DENND1B: variants seen among roughly 807,000 people sequenced by gnomAD.
DENND1B encodes the protein DENN domain-containing protein 1B.
In DENND1B, 59 loss-of-function variants were observed where a neutral mutation model predicts 90.1. The ratio of observed to expected loss-of-function variants is 0.65; its 90% CI spans 0.53 to 0.81. The LOEUF is 0.81. Among genes scored for constraint, DENND1B ranks in the 40% least tolerant of loss-of-function variants. The pLI is 0.00. For missense variants in DENND1B, 862 were observed against 912.6 expected, an observed-to-expected ratio of 0.94 and a Z score of 0.71; for synonymous variants, 337 against 324.6, an observed-to-expected ratio of 1.04 and a Z score of -0.41.
At chr1:197,728,925 G>A (rs1035323150) in intron 2 of DENND1B, among the ~76,000 whole-genome samples, 1 of 152,006 alleles carries the variant, frequency 6.6e-6, no homozygotes, top group African/African-American at 2.4e-5. Context: ...CTATCTAAAT[G>A]TATTTCCCAC....
In DENND1B at chr1:197,758,380, T is replaced by C. The variant is rs563867463; in HGVS notation, c.82+14488A>G. ...TCAAAATAGGAGGAAAGTTTTTTAC[T>C]AACAATTTCTGTTGAAGTGATCATA... On this transcript the variant is annotated intron_variant, in intron 2 of 22. Transcript: ENST00000620048. 3.9e-5 allele frequency among the ~76,000 whole-genome samples: 6 copies of C among 152,340 alleles called. No individual in the cohort carries two copies. In the South Asian group the frequency reaches 1.2e-3, roughly 32 times the overall value.
At chr1:197,555,474 T>C (rs1192341694) in intron 15 of DENND1B, among the ~76,000 whole-genome samples, 4 of 151,968 alleles carry the variant, frequency 2.6e-5, no homozygotes, top group Non-Finnish European at 5.9e-5. Flanking sequence ...AACAAAGGAC[T>C]AATATCCAGA....
rs1014159135 is a variant in DENND1B, at chr1:197,652,462, G to A, written c.367-147C>T. 10 of 589,256 alleles carry A rather than the reference G, an allele frequency of 1.7e-5. No individual in the cohort carries two copies. The Admixed American group carries it at 2.0e-4, about 12-fold the overall frequency. 36.5% of individuals were successfully genotyped at this position (589,256 alleles called of 1,614,324 possible). A position where few individuals can be genotyped will look rare whatever the true frequency, so the allele number is the denominator to read the frequency against. The stretch of plus-strand genomic sequence containing the variant: ...TTCCACAGAAACATTTCAAATACCT[G>A]AAATTCAAATATTTGAGTCTAAAAA... On this transcript the variant is annotated intron_variant, in intron 6 of 22. Coordinates refer to ENST00000620048, the MANE Select transcript of DENND1B (RefSeq NM_001195215.2).
intron 10 of DENND1B, among the ~76,000 whole-genome samples, chr1:197,635,067 T>C (rs949138160): frequency 1.3e-5 from 2 of 152,110 alleles, no homozygotes. Flanking sequence ...AATCAGCACC[T>C]AACTTGGAAA....
chr1:197,514,875 T>C (rs1668289820), intron 20 of DENND1B, among the ~76,000 whole-genome samples: 1 of 151,660 alleles, frequency 6.6e-6, no homozygotes. Context: ...GCATCAAACC[T>C]GGAATCAGCC....
chr1:197,545,851 T>C, intron 18 of DENND1B, 71 bp downstream of exon 18: 1 of 1,278,144 alleles, frequency 7.8e-7, no homozygotes, highest in Non-Finnish European at 1.1e-6. Context: ...ATTCAGAATT[T>C]ATATGTCTAT....
chr1:197,562,440 T>G (rs1232297897), intron 15 of DENND1B, among the ~76,000 whole-genome samples: 1 of 151,930 alleles, frequency 6.6e-6, no homozygotes, highest in East Asian at 1.9e-4. Flanking sequence ...TATTTCAAAC[T>G]TTTTCATTAT....
At chr1:197,553,262 T>TAC (rs1276253630) in intron 15 of DENND1B, 150 bp from the exon 16 acceptor site, 6 of 541,436 alleles carry the variant, frequency 1.1e-5, no homozygotes, top group Non-Finnish European at 1.5e-5. Flanking sequence ...GGTGTATATA[T>TAC]ACACACACAC....
chr1:197,696,377 A>G (rs1008413842), intron 3 of DENND1B, among the ~76,000 whole-genome samples: 4 of 151,574 alleles, frequency 2.6e-5, no homozygotes, highest in Non-Finnish European at 4.4e-5. Context: ...GCACTTTTCT[A>G]AAAGCATTTC....
intron 1 of DENND1B, 131 bp from the exon 2 acceptor site, chr1:197,773,063 A>C: frequency 2.6e-6 from 2 of 757,408 alleles, no homozygotes; most frequent in Non-Finnish European, 4.5e-6. Flanking sequence ...ACTACAGTAT[A>C]GTAGAAATAA....
intron 3 of DENND1B, among the ~76,000 whole-genome samples, chr1:197,680,028 T>C (rs1656516622): frequency 6.6e-6 from 1 of 152,072 alleles, no homozygotes; most frequent in Non-Finnish European, 1.5e-5. Flanking sequence ...CATGCACCTA[T>C]AGTCCCAGCT....
chr1:197,720,900 T>A (rs1661109591), intron 2 of DENND1B, among the ~76,000 whole-genome samples: 1 of 152,152 alleles, frequency 6.6e-6, no homozygotes, highest in South Asian at 2.1e-4. Context: ...TATAAGCAGA[T>A]GTTTGTACAA....
chr1:197,731,926 T>C (rs1434878499), intron 2 of DENND1B, among the ~76,000 whole-genome samples: 1 of 152,112 alleles, frequency 6.6e-6, no homozygotes, highest in African/African-American at 2.4e-5. Flanking sequence ...ATAGGATGAG[T>C]GGAGATTACA....
chr1:197,671,157 G>A (rs1343488813), intron 5 of DENND1B, among the ~76,000 whole-genome samples: 1 of 152,116 alleles, frequency 6.6e-6, no homozygotes, highest in Non-Finnish European at 1.5e-5. Context: ...TTCATAAATT[G>A]TTATTTCTTT....
intron 20 of DENND1B, among the ~76,000 whole-genome samples, chr1:197,529,242 A>ATATATATATATG (rs1553277550): frequency 8.3e-4 from 9 of 10,868 alleles, no homozygotes; most frequent in African/African-American, 1.5e-3. Flanking sequence ...ATATATATAT[A>ATATATATATATG]TGTGTGTGTG....
intron 11 of DENND1B, among the ~76,000 whole-genome samples, chr1:197,614,546 A>G (rs1677467756): frequency 6.6e-6 from 1 of 150,932 alleles, no homozygotes; most frequent in African/African-American, 2.4e-5. Flanking sequence ...ACTGTCCTAA[A>G]TCTTTCTTTC....
chr1:197,739,157 C>T (rs1048164861), intron 2 of DENND1B, among the ~76,000 whole-genome samples: 2 of 152,188 alleles, frequency 1.3e-5, no homozygotes, highest in Non-Finnish European at 2.9e-5. Flanking sequence ...ATTCACACCA[C>T]CCAGAGTGGG....
chr1:197,542,163 C>T (rs1045014124), intron 18 of DENND1B, among the ~76,000 whole-genome samples: 15 of 152,082 alleles, frequency 9.9e-5, no homozygotes, highest in African/African-American at 3.6e-4. Context: ...AAAATGGAGA[C>T]CTAACAAGAA....
intron 2 of DENND1B, among the ~76,000 whole-genome samples, chr1:197,762,698 C>T (rs1032501699): frequency 6.6e-6 from 1 of 152,028 alleles, no homozygotes; most frequent in Admixed American, 6.6e-5. Flanking sequence ...CCTACCTTGC[C>T]TCATTTCCTC....
Sources: allele counts gnomAD v4.1 joint callset (sites outside exome capture counted in the v4.1 genomes callset), GRCh38; gene constraint gnomAD v4.1.1; transcripts MANE v1.5; gene names NCBI Gene and HGNC (gene_info 2026-07-23, HGNC 2026-07-21).